LATS1: variants seen among roughly 807,000 people sequenced by gnomAD.
LATS1 encodes the protein serine/threonine-protein kinase LATS1.
A neutral mutation model predicts 106.6 loss-of-function variants in LATS1; 25 were observed. The ratio of observed to expected loss-of-function variants is 0.23; its 90% CI spans 0.17 to 0.33. LATS1 has a LOEUF of 0.33. Ranked by LOEUF, LATS1 falls within the 10% of genes least tolerant of loss-of-function variation. LATS1 has a pLI of 1.00. For missense variants in LATS1, 1,040 were observed against 1,382.6 expected (o/e 0.75, Z 3.93); for synonymous variants, 465 against 455.6 (o/e 1.02, Z -0.26).
Position 149,660,113 on chromosome 6 carries a change from T to C in LATS1, c.*1616A>G, listed in dbSNP as rs1385147506. ...CTACAGCCTGTGATAGGTTTCAATA[T>C]GTCCAAAATCCCTTGAAACTGCATG... On this transcript the variant is annotated 3_prime_UTR_variant, in exon 8 of 8. Transcript: ENST00000543571. The C allele has an allele frequency of 8.6e-6, 2 of 232,464 alleles. No individual in the cohort carries two copies. The highest frequency in any genetic ancestry group is 1.7e-5 in the Non-Finnish European group (2 of 117,676). The allele number at this position is 232,464 out of a possible 1,614,324, so 14.4% of individuals were successfully genotyped here.
At chr6:149,699,981 G>A (rs1242562196) in intron 2 of LATS1, among the ~76,000 whole-genome samples, 1 of 152,204 alleles carries the variant, frequency 6.6e-6, no homozygotes, top group Non-Finnish European at 1.5e-5. Flanking sequence ...GGATTAGGAA[G>A]AAAGTGCTTG....
At chr6:149,667,967 C>A (rs1390736145) in intron 7 of LATS1, among the ~76,000 whole-genome samples, 1 of 152,212 alleles carries the variant, frequency 6.6e-6, no homozygotes, top group East Asian at 1.9e-4. Context: ...GTCGCCCCGG[C>A]TGGAGTGCAG....
rs3798761 is a variant in LATS1 at position 149,683,643 on chromosome 6, A to G, written c.1446T>C (p.Ser482=). Residue 482 remains serine (S), a synonymous_variant, in exon 4 of 8, where the codon TCT becomes TCC. Coordinates refer to ENST00000543571, the MANE Select transcript of LATS1 (RefSeq NM_004690.4). ...RASHSANSQP[S]ATTVTAITPA... is the part of the protein sequence containing the mutation. ...GTGTAATTGCAGTGACTGTTGTAGC[A>G]GAAGGCTGAGAATTAGCAGAGTGAC... 0.39 allele frequency: 630,982 copies of G among 1,613,790 alleles called. 131,626 individuals carry two copies. Among genetic ancestry groups the G allele is most frequent in the East Asian group, 0.77 (34,641 of 44,864 alleles).
chr6:149,687,263 G>T (rs1337676598), intron 3 of LATS1, among the ~76,000 whole-genome samples: 1 of 151,732 alleles, frequency 6.6e-6, no homozygotes, highest in Non-Finnish European at 1.5e-5. Context: ...GCTAATTTTT[G>T]TATTTTCAGT....
intron 1 of LATS1, among the ~76,000 whole-genome samples, chr6:149,709,668 C>CTTTT (rs142425039): frequency 1.3e-4 from 10 of 75,502 alleles, no homozygotes; most frequent in Admixed American, 3.9e-4. Context: ...AACCCCTTAT[C>CTTTT]TTTTTTTTTT....
At position 149,658,524 on chromosome 6, in the gene LATS1, T is replaced by G. The variant is rs185347622; in HGVS notation, c.*3205A>C. The G allele has an allele frequency of 6.6e-6, 1 of 152,206 alleles. No individual in the cohort carries two copies. Among genetic ancestry groups the G allele is most frequent in the Non-Finnish European group, 1.5e-5 (1 of 68,024 alleles). The allele number at this position is 152,206 out of a possible 1,614,324, so 9.4% of individuals were successfully genotyped here. A position where few individuals can be genotyped will look rare whatever the true frequency, so the allele number is the denominator to read the frequency against. On this transcript the variant is annotated 3_prime_UTR_variant, in exon 8 of 8. Transcript: ENST00000543571. ...AATGAACAGGCTAAATGTTCCACTT[T>G]AAATACCAAAGGGATGTTTATTAAA...
chr6:149,707,023 T>TC (rs1282042933), intron 1 of LATS1, among the ~76,000 whole-genome samples: 1 of 147,962 alleles, frequency 6.8e-6, no homozygotes, highest in African/African-American at 2.5e-5. Flanking sequence ...TTTTTTTTTT[T>TC]TTTTTTTTTG....
At chr6:149,710,189 A>C (rs553148435) in intron 1 of LATS1, among the ~76,000 whole-genome samples, 1 of 152,268 alleles carries the variant, frequency 6.6e-6, no homozygotes, top group South Asian at 2.1e-4. Flanking sequence ...TATAAAACCA[A>C]GCTGTAGTCT....
chr6:149,694,682 T>G (rs1455424059), intron 3 of LATS1, among the ~76,000 whole-genome samples: 1 of 152,322 alleles, frequency 6.6e-6, no homozygotes, highest in Admixed American at 6.5e-5. Flanking sequence ...ACCAAAATAT[T>G]GTTATTAACA....
chr6:149,660,595 T>A lies in LATS1; in HGVS notation c.*1134A>T. ...GTATTTTGGTATGAAACCTTAATCT[T>A]CCTTAGAACCTAAGCGTTATACATA... On this transcript the variant is annotated 3_prime_UTR_variant, in exon 8 of 8. Coordinates refer to ENST00000543571, the MANE Select transcript of LATS1 (RefSeq NM_004690.4). 4.3e-6 allele frequency: 1 copy of A among 232,642 alleles called. No homozygotes were observed. The highest frequency in any genetic ancestry group is 6.1e-5 in the East Asian group (1 of 16,420). The allele number at this position is 232,642 out of a possible 1,614,324, so 14.4% of individuals were successfully genotyped here.
chr6:149,661,498 C>T lies in LATS1; in HGVS notation c.*231G>A, dbSNP rs986512669. 4.8e-4 allele frequency: 195 copies of T among 407,360 alleles called. 1 individual carries two copies. Among genetic ancestry groups the T allele is most frequent in the Non-Finnish European group, 3.7e-4 (85 of 231,030 alleles). 25.2% of individuals were successfully genotyped at this position (407,360 alleles called of 1,614,324 possible). ...AGTACCAAGAACTGACTATAATATT[C>T]AGTTCATAATTTACTTTCCTTATAA... On this transcript the variant is annotated 3_prime_UTR_variant, in exon 8 of 8. Coordinates refer to ENST00000543571, the MANE Select transcript of LATS1 (RefSeq NM_004690.4).
In LATS1 at chr6:149,683,066, TA is replaced by T; in HGVS notation, c.2010+12del. On this transcript the variant is annotated intron_variant, in intron 4 of 7. Coordinates refer to ENST00000543571, the MANE Select transcript of LATS1 (RefSeq NM_004690.4). ...TGATTAAGTATAAAAATGGACATTTTAAAAGGTTTTACCCGCATCATTTCAT... is the reference window on the plus strand; with the variant it reads ...TGATTAAGTATAAAAATGGACATTTTAAAGGTTTTACCCGCATCATTTCAT... 6.3e-7 allele frequency: 1 copy of T among 1,592,486 alleles called. No individual in the cohort carries two copies. The highest frequency in any genetic ancestry group is 8.6e-7 in the Non-Finnish European group (1 of 1,168,428).
chr6:149,679,750 A>G (rs1269668571), intron 5 of LATS1, 125 bp downstream of exon 5: 1 of 677,336 alleles, frequency 1.5e-6, no homozygotes, highest in Non-Finnish European at 2.4e-6. Flanking sequence ...AGTTTATCCA[A>G]CAGAATCAAG....
At chr6:149,692,490 T>C (rs762097173) in intron 3 of LATS1, among the ~76,000 whole-genome samples, 21 of 152,110 alleles carry the variant, frequency 1.4e-4, no homozygotes, top group Non-Finnish European at 2.8e-4. Context: ...TCACACCATA[T>C]ATAGCTGTAA....
intron 3 of LATS1, among the ~76,000 whole-genome samples, chr6:149,692,379 C>CA (rs1291718631): frequency 6.6e-6 from 1 of 152,030 alleles, no homozygotes; most frequent in Non-Finnish European, 1.5e-5. Flanking sequence ...GCTTTATTAT[C>CA]AGTTTGTTAG....
chr6:149,705,155 A>G (rs1305936518), intron 1 of LATS1, among the ~76,000 whole-genome samples: 1 of 152,166 alleles, frequency 6.6e-6, no homozygotes, highest in Non-Finnish European at 1.5e-5. Flanking sequence ...ACATAATAAT[A>G]CATGAATAAT....
In LATS1 at chr6:149,697,740, CTTTT is replaced by C. The variant is rs369289215; in HGVS notation, c.349-2523_349-2520del. Among the ~76,000 whole-genome samples the C allele has an allele frequency of 3.2e-4, 48 of 151,810 alleles. 1 individual carries two copies. The East Asian group carries it at 5.4e-3, about 17-fold the overall frequency. The stretch of plus-strand genomic sequence containing the variant: ...ATATTGTGGGAATCATTTTTCTTTT[CTTTT>C]TTTTGTTTTTGAGATGGAGACTCGC... On this transcript the variant is annotated intron_variant, in intron 2 of 7. Transcript: ENST00000543571.
chr6:149,716,307 T>C (rs1026239337), intron 1 of LATS1: 7 of 152,290 alleles, frequency 4.6e-5, no homozygotes, highest in African/African-American at 7.2e-5. Context: ...GCAGGCAACA[T>C]AGCGAGTTCC....
chr6:149,667,438 C>CAAAAAAAA (rs1189854950), intron 7 of LATS1, among the ~76,000 whole-genome samples: 7 of 33,956 alleles, frequency 2.1e-4, no homozygotes, highest in African/African-American at 7.7e-4. Context: ...GACTGTATCT[C>CAAAAAAAA]AAAAAAAAAA....
Sources: allele counts gnomAD v4.1 joint callset (sites outside exome capture counted in the v4.1 genomes callset), GRCh38; gene constraint gnomAD v4.1.1; transcripts MANE v1.5; gene names NCBI Gene and HGNC (gene_info 2026-07-23, HGNC 2026-07-21).